CTIF: variants seen among roughly 807,000 people sequenced by gnomAD.
The protein encoded by CTIF is cap binding complex dependent translation initiation factor.
In CTIF, 21 loss-of-function variants were observed where a neutral mutation model predicts 66.0. The ratio of observed to expected loss-of-function variants is 0.32; its 90% CI spans 0.23 to 0.46. The LOEUF is 0.46. Ranked by LOEUF, CTIF falls within the 20% of genes least tolerant of loss-of-function variation. The probability of loss-of-function intolerance (pLI) is 1.00; values close to 1 mark genes in which losing one functional copy is unlikely to be tolerated. For missense variants in CTIF, 739 were observed against 812.7 expected (o/e 0.91, Z 1.10); for synonymous variants, 345 against 326.4 (o/e 1.06, Z -0.62).
chr18:48,580,793 A>G (rs2089637283), intron 1 of CTIF, among the ~76,000 whole-genome samples: 1 of 152,180 alleles, frequency 6.6e-6, no homozygotes, highest in Non-Finnish European at 1.5e-5. Context: ...CCCGCCCTGC[A>G]GCTTGGTTTC....
chr18:48,691,165 C>G (rs2091919804), intron 6 of CTIF, among the ~76,000 whole-genome samples: 1 of 152,242 alleles, frequency 6.6e-6, no homozygotes, highest in Admixed American at 6.5e-5. Flanking sequence ...GTAACGTCCA[C>G]TCTGCCGGCA....
intron 1 of CTIF, among the ~76,000 whole-genome samples, chr18:48,615,541 G>T (rs1305479441): frequency 6.6e-6 from 1 of 152,338 alleles, no homozygotes; most frequent in East Asian, 1.9e-4. Context: ...CGACAAGTGA[G>T]GGGGGCTAGG....
At chr18:48,708,871 A>G (rs144865500) in intron 6 of CTIF, among the ~76,000 whole-genome samples, 2 of 151,700 alleles carry the variant, frequency 1.3e-5, no homozygotes, top group East Asian at 1.9e-4. Context: ...TTCCTGCTGG[A>G]CTCTTTTCCA....
chr18:48,806,159 G>A (rs533785561), intron 9 of CTIF, among the ~76,000 whole-genome samples: 1 of 152,258 alleles, frequency 6.6e-6, no homozygotes, highest in African/African-American at 2.4e-5. Flanking sequence ...GGTGAAAGAA[G>A]GAAAGTTGGG....
chr18:48,814,827 C>T (rs545825965), intron 9 of CTIF, among the ~76,000 whole-genome samples: 1 of 152,150 alleles, frequency 6.6e-6, no homozygotes, highest in Admixed American at 6.6e-5. Context: ...TTGCGGGGTC[C>T]CTGGAGTCTC....
intron 7 of CTIF, among the ~76,000 whole-genome samples, chr18:48,714,389 A>G (rs2092259773): frequency 1.3e-5 from 2 of 152,150 alleles, no homozygotes; most frequent in Admixed American, 1.3e-4. Flanking sequence ...TCCCCCCACC[A>G]TATGAAGGGA....
intron 10 of CTIF, among the ~76,000 whole-genome samples, chr18:48,820,760 T>C (rs1341685300): frequency 6.6e-6 from 1 of 152,076 alleles, no homozygotes; most frequent in Non-Finnish European, 1.5e-5. Flanking sequence ...GTGCTTTCCT[T>C]GCTGCTTCTG....
At chr18:48,665,526 A>G (rs916094834) in intron 5 of CTIF, among the ~76,000 whole-genome samples, 4 of 152,196 alleles carry the variant, frequency 2.6e-5, no homozygotes, top group African/African-American at 7.2e-5. Flanking sequence ...TGTTCAGTCC[A>G]CTGGCATTTA....
chr18:48,591,084 G>A (rs2089877131), intron 1 of CTIF, among the ~76,000 whole-genome samples: 1 of 152,218 alleles, frequency 6.6e-6, no homozygotes, highest in Admixed American at 6.5e-5. Context: ...CCTGGGAAGT[G>A]TGGGAAGATG....
intron 1 of CTIF, among the ~76,000 whole-genome samples, chr18:48,610,714 C>T (rs150540826): frequency 3.2e-4 from 48 of 152,362 alleles, no homozygotes; most frequent in Admixed American, 3.1e-3. Flanking sequence ...GCCCTGCCCA[C>T]CTCATGAAAA....
chr18:48,650,664 C>G (rs1237457031), intron 3 of CTIF, among the ~76,000 whole-genome samples: 1 of 152,078 alleles, frequency 6.6e-6, no homozygotes, highest in African/African-American at 2.4e-5. Flanking sequence ...CCCTAAGACA[C>G]AAAATTGTCA....
intron 1 of CTIF, among the ~76,000 whole-genome samples, chr18:48,550,594 C>G (rs1313547352): frequency 6.6e-6 from 1 of 152,208 alleles, no homozygotes; most frequent in Non-Finnish European, 1.5e-5. Flanking sequence ...CCTCTCCACT[C>G]TGCTCAGGGT....
chr18:48,850,201 C>A (rs113643422), intron 10 of CTIF, among the ~76,000 whole-genome samples: 23 of 152,322 alleles, frequency 1.5e-4, no homozygotes, highest in Admixed American at 2.6e-4. Flanking sequence ...CAATGGCCTT[C>A]CTTTTTAAGA....
chr18:48,848,856 G>T (rs937039811), intron 10 of CTIF, among the ~76,000 whole-genome samples: 2 of 152,244 alleles, frequency 1.3e-5, no homozygotes, highest in Non-Finnish European at 2.9e-5. Context: ...TATGATGGGC[G>T]TGCCCACAAC....
At chr18:48,665,527 C>G (rs1367694655) in intron 5 of CTIF, among the ~76,000 whole-genome samples, 1 of 152,214 alleles carries the variant, frequency 6.6e-6, no homozygotes, top group Non-Finnish European at 1.5e-5. Flanking sequence ...GTTCAGTCCA[C>G]TGGCATTTAG....
At chr18:48,587,470 A>G (rs982191916) in intron 1 of CTIF, among the ~76,000 whole-genome samples, 2 of 152,170 alleles carry the variant, frequency 1.3e-5, no homozygotes, top group Non-Finnish European at 1.5e-5. Flanking sequence ...TGTGGGCATC[A>G]TGGTGTTCTG....
At chr18:48,646,444 C>T (rs1343016511) in intron 3 of CTIF, among the ~76,000 whole-genome samples, 1 of 61,988 alleles carries the variant, frequency 1.6e-5, no homozygotes, top group Non-Finnish European at 4.1e-5. Flanking sequence ...AACTTGGCAG[C>T]ATTAAAAAAA....
At chr18:48,575,754 T>G (rs570412419) in intron 1 of CTIF, among the ~76,000 whole-genome samples, 1 of 152,372 alleles carries the variant, frequency 6.6e-6, no homozygotes, top group Admixed American at 6.5e-5. Context: ...GGCTGCTTTG[T>G]GCACACACAT....
chr18:48,579,204 T>C (rs2089599238), intron 1 of CTIF, among the ~76,000 whole-genome samples: 1 of 152,178 alleles, frequency 6.6e-6, no homozygotes, highest in Admixed American at 6.5e-5. Context: ...CTTGGCTCAC[T>C]GCAACCTCCG....
Sources: allele counts gnomAD v4.1 joint callset (sites outside exome capture counted in the v4.1 genomes callset), GRCh38; gene constraint gnomAD v4.1.1; transcripts MANE v1.5; gene names NCBI Gene and HGNC (gene_info 2026-07-23, HGNC 2026-07-21).